C12orf42: variants seen among roughly 807,000 people sequenced by gnomAD.
C12orf42 encodes the protein uncharacterized protein C12orf42.
C12orf42 carries 25 observed loss-of-function variants against 21.6 expected under a neutral mutation model. That is an observed-to-expected ratio of 1.16 (90% CI 0.84 to 1.62). The LOEUF is 1.62. C12orf42 is among the 40% of genes most tolerant of loss of function. The pLI is 0.00. For missense variants in C12orf42, 483 were observed against 459.3 expected (o/e 1.05, Z -0.47); for synonymous variants, 174 against 175.0 (o/e 0.99, Z 0.05).
the C12orf42 span, among the ~76,000 whole-genome samples, chr12:103,526,293 C>CT: frequency 6.6e-6 from 1 of 152,198 alleles, no homozygotes; most frequent in African/African-American, 2.4e-5. Flanking sequence ...ATTTAAGCTA[C>CT]TCTGGTTGTC....
chr12:103,407,959 T>A (rs553865678), intron 2 of C12orf42, among the ~76,000 whole-genome samples: 2 of 152,318 alleles, frequency 1.3e-5, no homozygotes, highest in African/African-American at 4.8e-5. Context: ...GCTAGCCCTA[T>A]GGAGTCTTCA....
At chr12:103,112,552 T>G in the C12orf42 span, among the ~76,000 whole-genome samples, 1 of 152,154 alleles carries the variant, frequency 6.6e-6, no homozygotes, top group African/African-American at 2.4e-5. Flanking sequence ...TCCCAGCTAC[T>G]CGGGAGGCTG....
At chr12:103,294,588 GAAAGAAAGAAAGAAAGAAAGAAA>G (rs2037099570) in intron 4 of C12orf42, among the ~76,000 whole-genome samples, 2 of 71,988 alleles carry the variant, frequency 2.8e-5, no homozygotes, top group East Asian at 5.2e-4. Context: ...AGGAAGGAAA[GAAAGAAAGAAAGAAAGAAAGAAA>G]GAAAGAAAGA....
the C12orf42 span, among the ~76,000 whole-genome samples, chr12:103,068,819 C>T: frequency 1.3e-5 from 2 of 149,116 alleles, no homozygotes; most frequent in South Asian, 4.3e-4. Flanking sequence ...TTGCAGATGG[C>T]CTATTATGGG....
At chr12:103,098,700 A>C in the C12orf42 span, among the ~76,000 whole-genome samples, 1 of 152,218 alleles carries the variant, frequency 6.6e-6, no homozygotes, top group Non-Finnish European at 1.5e-5. Flanking sequence ...AGAGGCACCA[A>C]AAAGAAAGTC....
the C12orf42 span, among the ~76,000 whole-genome samples, chr12:103,133,415 C>G: frequency 3.3e-5 from 5 of 152,168 alleles, no homozygotes; most frequent in African/African-American, 1.2e-4. Flanking sequence ...CTTGGACTCA[C>G]TAACACCAAT....
At chr12:103,177,738 C>T in the C12orf42 span, among the ~76,000 whole-genome samples, 1 of 152,080 alleles carries the variant, frequency 6.6e-6, no homozygotes, top group Non-Finnish European at 1.5e-5. Flanking sequence ...TTTGCCTCTC[C>T]TCCTTCTCCG....
Position 103,481,677 on chromosome 12 carries a change from C to A in C12orf42, c.-21-3230G>T, listed in dbSNP as rs146698794. On this transcript the variant is annotated intron_variant, in intron 1 of 5. Coordinates refer to ENST00000548883, the MANE Select transcript of C12orf42 (RefSeq NM_198521.5). The stretch of plus-strand genomic sequence containing the variant: ...ACTTTAAAAAAAAAATACCGTCTGA[C>A]AACCTTAACTAAGAAGTTTAGCCCT... Among the ~76,000 whole-genome samples the A allele has an allele frequency of 1.2e-3, 180 of 151,544 alleles. 1 individual carries two copies. Among genetic ancestry groups the A allele is most frequent in the African/African-American group, 3.9e-3 (163 of 41,360 alleles).
intron 2 of C12orf42, among the ~76,000 whole-genome samples, chr12:103,432,195 A>C (rs1234488915): frequency 6.6e-6 from 1 of 152,154 alleles, no homozygotes; most frequent in East Asian, 1.9e-4. Flanking sequence ...TACACCAGTT[A>C]AGCTCAGCCA....
intron 4 of C12orf42, among the ~76,000 whole-genome samples, chr12:103,328,073 T>C (rs1454769409): frequency 6.6e-6 from 1 of 152,178 alleles, no homozygotes. Flanking sequence ...TTGGCCTAAT[T>C]CTCAAGCAGC....
At chr12:103,317,017 C>T (rs1160058199) in intron 4 of C12orf42, among the ~76,000 whole-genome samples, 1 of 152,188 alleles carries the variant, frequency 6.6e-6, no homozygotes, top group Non-Finnish European at 1.5e-5. Flanking sequence ...CAGCTCTAGT[C>T]ACCACAGTGG....
At chr12:103,457,557 G>C (rs1423930999) in intron 2 of C12orf42, among the ~76,000 whole-genome samples, 1 of 152,112 alleles carries the variant, frequency 6.6e-6, no homozygotes, top group Non-Finnish European at 1.5e-5. Context: ...TGTCAGCCAG[G>C]TCAGCTGAAT....
chr12:103,212,081 T>C, the C12orf42 span, among the ~76,000 whole-genome samples: 1 of 152,218 alleles, frequency 6.6e-6, no homozygotes, highest in Non-Finnish European at 1.5e-5. Context: ...TTGTACATAG[T>C]GTGAGATAAG....
chr12:103,148,481 A>C, the C12orf42 span, among the ~76,000 whole-genome samples: 157 of 152,086 alleles, frequency 1.0e-3, 2 homozygotes, highest in Admixed American at 1.0e-3. Flanking sequence ...GGTTAGACTT[A>C]CATCATGATG....
chr12:103,489,154 T>A (rs1955025112), intron 1 of C12orf42, among the ~76,000 whole-genome samples: 1 of 152,226 alleles, frequency 6.6e-6, no homozygotes, highest in Non-Finnish European at 1.5e-5. Context: ...TTTTTGTTGA[T>A]GTTAATGCTA....
intron 3 of C12orf42, among the ~76,000 whole-genome samples, chr12:103,382,301 A>G (rs938255689): frequency 6.6e-6 from 1 of 152,182 alleles, no homozygotes; most frequent in Non-Finnish European, 1.5e-5. Context: ...TTTATATTTT[A>G]GTAACAAAAT....
In C12orf42 at chr12:103,243,235, G is replaced by A. The variant is rs1013101507; in HGVS notation, c.*1367-5333C>T. Among the ~76,000 whole-genome samples the A allele has an allele frequency of 9.2e-5, 14 of 151,874 alleles. No individual in the cohort carries two copies. In the East Asian group the frequency reaches 1.9e-3, roughly 21 times the overall value. ...AGAGATGAGGTCTCACTATATTGCC[G>A]AGGCTGATCTCATACTCCTGGACTC... On this transcript the variant is annotated intron_variant and NMD_transcript_variant, in intron 10 of 10. Transcript: ENST00000547347.
chr12:103,560,744 T>C, the C12orf42 span, among the ~76,000 whole-genome samples: 1 of 152,176 alleles, frequency 6.6e-6, no homozygotes, highest in African/African-American at 2.4e-5. Context: ...TATTTGCTAG[T>C]CATACGCAAA....
intron 4 of C12orf42, among the ~76,000 whole-genome samples, chr12:103,342,652 T>C (rs1157060252): frequency 7.3e-6 from 1 of 137,744 alleles, no homozygotes; most frequent in East Asian, 2.2e-4. Flanking sequence ...TATATTCATT[T>C]CCCCACCCCC....
Sources: allele counts gnomAD v4.1 joint callset (sites outside exome capture counted in the v4.1 genomes callset), GRCh38; gene constraint gnomAD v4.1.1; transcripts MANE v1.5; gene names NCBI Gene and HGNC (gene_info 2026-07-23, HGNC 2026-07-21).